Variants in DHX30 observed in about 807,000 individuals in gnomAD.
DHX30 encodes the protein DExH-box helicase 30.
A neutral mutation model predicts 116.9 loss-of-function variants in DHX30; 4 were observed. The ratio of observed to expected loss-of-function variants is 0.03; its 90% CI spans 0.02 to 0.08. The LOEUF (loss-of-function observed/expected upper bound fraction) is 0.08. DHX30 is among the 10% of genes least tolerant of loss of function. The pLI, the probability that DHX30 is intolerant of heterozygous loss-of-function variation, is 1.00. For synonymous variants in DHX30, 697 were observed against 651.7 expected, an observed-to-expected ratio of 1.07 and a Z score of -1.06; for missense variants, 871 against 1,595.1, an observed-to-expected ratio of 0.55 and a Z score of 7.73.
rs372781583 is a variant in DHX30 at position 47,849,509 on chromosome 3, G to A, written c.3146G>A (p.Arg1049Lys). 1.2e-6 allele frequency: 2 copies of A among 1,602,308 alleles called. No individual in the cohort carries two copies. The highest frequency in any genetic ancestry group is 2.2e-5 in the East Asian group (1 of 44,604). ...GKFKPNSVTY[R>K]TKSGNILLHK... is the part of the protein sequence containing the mutation. ...TTCAAGCCCAACAGCGTCACATATAGGACCAAATCAGGCAACATCCTGCTG... is the reference window on the plus strand; with the variant it reads ...TTCAAGCCCAACAGCGTCACATATAAGACCAAATCAGGCAACATCCTGCTG... The change falls in exon 20 of 22, where the codon AGG becomes AAG. Residue 1049 changes from arginine (R) to lysine (K), a missense_variant. Transcript: ENST00000445061.
In DHX30 at chr3:47,846,851, A is replaced by G. The variant is rs1486220467; in HGVS notation, c.1779A>G (p.Thr593=). ...TGCGGCTGGTGCTCATGAGTGCCAC[A>G]GGGGACAATGAGCGCTTCTCCCGAT... The part of the protein sequence containing the change: ...PALRLVLMSA[T]GDNERFSRYF... Residue 593 remains threonine, a synonymous_variant, in exon 11 of 22, where the codon ACA becomes ACG. Coordinates refer to ENST00000445061, the MANE Select transcript of DHX30 (RefSeq NM_138615.3). The G allele has an allele frequency of 1.9e-6, 3 of 1,612,534 alleles. No homozygotes were observed. The Admixed American group carries it at 5.0e-5, about 27-fold the overall frequency.
intron 2 of DHX30, among the ~76,000 whole-genome samples, chr3:47,806,607 G>T (rs1207837702): frequency 2.0e-5 from 3 of 151,690 alleles, no homozygotes; most frequent in Non-Finnish European, 4.4e-5. Flanking sequence ...CACCACGCCT[G>T]GCTAATTTTT....
In DHX30 at chr3:47,848,730, T is replaced by C. The variant is rs774766526; in HGVS notation, c.2682T>C (p.Arg894=). ...AKAIVLAAIF[R]CLHPLLVVVS... ...CCATTGTGTTGGCTGCCATCTTCCG[T>C]TGCCTGCACCCACTACTGGTGGTCG... is the stretch of plus-strand genomic sequence containing the variant. Residue 894 remains arginine, a synonymous_variant, in exon 17 of 22, where the codon CGT becomes CGC. Coordinates refer to ENST00000445061, the MANE Select transcript of DHX30 (RefSeq NM_138615.3). This position sits in a 1 kb window ranked among gnomAD's most constrained non-coding sequence, Gnocchi z 9.4. 9.2e-5 allele frequency: 148 copies of C among 1,614,060 alleles called. No individual in the cohort carries two copies. Among genetic ancestry groups the C allele is most frequent in the Non-Finnish European group, 1.2e-4 (142 of 1,180,028 alleles).
At position 47,848,390 on chromosome 3, in the gene DHX30, C is replaced by T. The variant is rs1374583336; in HGVS notation, c.2493+4C>T. The T allele has an allele frequency of 7.4e-6, 12 of 1,613,966 alleles. No individual in the cohort carries two copies. The highest frequency in any genetic ancestry group is 1.1e-5 in the South Asian group (1 of 91,086). On this transcript the variant is annotated splice_donor_region_variant and intron_variant, in intron 15 of 21. Coordinates refer to ENST00000445061, the MANE Select transcript of DHX30 (RefSeq NM_138615.3). The surrounding 1 kb of genome is among the most constrained non-coding windows in gnomAD (Gnocchi z 9.4). ...AATCCACATGCCTGAGAAGACGGTGCGGCGGGGCGGGGCAGGGGCTGGCCT... is the reference window on the plus strand; with the variant it reads ...AATCCACATGCCTGAGAAGACGGTGTGGCGGGGCGGGGCAGGGGCTGGCCT...
chr3:47,840,629 C>G (rs1373422797), intron 6 of DHX30, among the ~76,000 whole-genome samples: 1 of 152,004 alleles, frequency 6.6e-6, no homozygotes, highest in East Asian at 1.9e-4. Context: ...GAGCGAGACC[C>G]TGTGTCAAAA....
rs2037677877 is a variant in DHX30 at position 47,847,664 on chromosome 3, AGT to A, written c.2111-114_2111-113del. On this transcript the variant is annotated intron_variant, in intron 13 of 21. Coordinates refer to ENST00000445061, the MANE Select transcript of DHX30 (RefSeq NM_138615.3). This position sits in a 1 kb window ranked among gnomAD's most constrained non-coding sequence, Gnocchi z 5.5. ...AGCTGTGGCACTTTTCACTGGGCAT[AGT>A]GTTTATCTGCGCCTGTTTCATCAAA... is the stretch of plus-strand genomic sequence containing the variant. 6.8e-7 allele frequency: 1 copy of A among 1,468,396 alleles called. No homozygotes were observed. The highest frequency in any genetic ancestry group is 9.2e-7 in the Non-Finnish European group (1 of 1,092,388). The allele number at this position is 1,468,396 out of a possible 1,614,324, so 91.0% of individuals were successfully genotyped here.
intron 4 of DHX30, 25 bp from the exon 5 acceptor site, chr3:47,827,322 A>C (rs1210289527): frequency 6.3e-7 from 1 of 1,591,456 alleles, no homozygotes; most frequent in African/African-American, 1.4e-5. Flanking sequence ...GAACAACTGT[A>C]ATGCTTTTGT....
chr3:47,839,235 G>C (rs954551042), intron 6 of DHX30, among the ~76,000 whole-genome samples: 2 of 148,008 alleles, frequency 1.4e-5, no homozygotes, highest in Non-Finnish European at 3.0e-5. Context: ...AACATTTCAA[G>C]TTATTTCTCT....
intron 4 of DHX30, chr3:47,824,942 G>C: frequency 2.0e-6 from 1 of 491,170 alleles, no homozygotes; most frequent in East Asian, 3.6e-5. Flanking sequence ...CTTCGGGTCC[G>C]CCCGGCCCGC....
intron 10 of DHX30, 109 bp from the exon 11 acceptor site, chr3:47,846,056 C>A: frequency 7.0e-7 from 1 of 1,420,648 alleles, no homozygotes; most frequent in Non-Finnish European, 9.6e-7. Context: ...ATCCTCTGCC[C>A]AGCGGGTTGG....
chr3:47,833,212 A>G (rs1157611399), intron 6 of DHX30, among the ~76,000 whole-genome samples: 1 of 151,994 alleles, frequency 6.6e-6, no homozygotes, highest in Non-Finnish European at 1.5e-5. Context: ...CACCTCAAAT[A>G]GTTATCTTTT....
Position 47,827,450 on chromosome 3 carries a change from C to CGTGCA in DHX30, c.229_233dup (p.His78GlnfsTer16). ...CACATGCAAAAGACAAACTAGTCTA[C>CGTGCA]GTGCACACAAATGGACCGAAGAAAA... On this transcript the variant is annotated frameshift_variant, in exon 5 of 22. Coordinates refer to ENST00000445061, the MANE Select transcript of DHX30 (RefSeq NM_138615.3). LOFTEE classifies it high-confidence loss of function. 6.2e-7 allele frequency: 1 copy of CGTGCA among 1,613,604 alleles called. No homozygotes were observed. Among genetic ancestry groups the CGTGCA allele is most frequent in the Non-Finnish European group, 8.5e-7 (1 of 1,179,778 alleles).
At chr3:47,846,103 G>A in intron 10 of DHX30, 62 bp from the exon 11 acceptor site, 1 of 1,543,778 alleles carries the variant, frequency 6.5e-7, no homozygotes, top group Non-Finnish European at 8.8e-7. Context: ...CTGCAGAGTG[G>A]CTGGTTGTGT....
intron 6 of DHX30, among the ~76,000 whole-genome samples, chr3:47,838,189 G>C (rs986266044): frequency 5.9e-5 from 9 of 152,184 alleles, no homozygotes; most frequent in Admixed American, 1.3e-4. Flanking sequence ...AAGGGTTCGC[G>C]AATGTGTGTG....
In DHX30 at chr3:47,846,871, C is replaced by T; in HGVS notation, c.1799C>T (p.Ser600Phe). Residue 600 changes from serine (S) to phenylalanine (F), a missense_variant, in exon 11 of 22, where the codon TCC becomes TTC. This residue lies in a region of DHX30 where 61 missense variants were observed against 106.7 expected (regional missense o/e 0.57). Transcript: ENST00000445061. ...MSATGDNERF[S>F]RYFGGCPVIK... ...GCCACAGGGGACAATGAGCGCTTCT[C>T]CCGATACTTTGGTGGCTGCCCCGTC... The T allele has an allele frequency of 1.2e-6, 2 of 1,612,892 alleles. No homozygotes were observed. Among genetic ancestry groups the T allele is most frequent in the Non-Finnish European group, 1.7e-6 (2 of 1,179,930 alleles).
Position 47,841,291 on chromosome 3 carries a change from A to G in DHX30, c.668+113A>G, listed in dbSNP as rs2107110188. ...TGGGAGCGCCCCTGCCTCACATTTC[A>G]GCCTGTGTGCCCCATCACTCAGTGT... On this transcript the variant is annotated intron_variant, in intron 7 of 21. Coordinates refer to ENST00000445061, the MANE Select transcript of DHX30 (RefSeq NM_138615.3). 4.2e-6 allele frequency: 6 copies of G among 1,440,050 alleles called. No homozygotes were observed. The South Asian group carries it at 7.6e-5, about 18-fold the overall frequency. The allele number at this position is 1,440,050 out of a possible 1,614,324, so 89.2% of individuals were successfully genotyped here.
At chr3:47,837,059 C>T (rs1199111890) in intron 6 of DHX30, among the ~76,000 whole-genome samples, 2 of 152,256 alleles carry the variant, frequency 1.3e-5, no homozygotes, top group Middle Eastern at 3.4e-3. Context: ...AAGAAGGTGT[C>T]CACGGGAGGA....
chr3:47,828,715 A>G (rs1039602051), intron 5 of DHX30, among the ~76,000 whole-genome samples: 7 of 142,466 alleles, frequency 4.9e-5, no homozygotes, highest in Admixed American at 3.7e-4. Context: ...CCTGGGCAAC[A>G]GTGCAAGACT....
chr3:47,845,210 C>CA (rs2037550426), intron 9 of DHX30, among the ~76,000 whole-genome samples: 1 of 152,102 alleles, frequency 6.6e-6, no homozygotes, highest in Admixed American at 6.5e-5. Context: ...TTCTTTGAGA[C>CA]AGAGTCTCGC....
Sources: gnomAD v4.1 joint callset for allele counts (sites outside exome capture counted in the v4.1 genomes callset) on GRCh38, gnomAD v4.1.1 for gene constraint, gnomAD v4.1.1 regional missense constraint, Gnocchi (gnomAD v3.1) non-coding constraint, MANE v1.5 for transcripts, NCBI Gene and HGNC (gene_info 2026-07-23, HGNC 2026-07-21) for gene names.